The following STAU2 variants were observed in gnomAD, a reference collection of about 807,000 sequenced individuals.
The protein encoded by STAU2 is staufen double-stranded RNA binding protein 2, also known as double-stranded RNA-binding protein Staufen homolog 2.
STAU2 carries 20 observed loss-of-function variants against 65.9 expected under a neutral mutation model. The ratio of observed to expected loss-of-function variants is 0.30; its 90% confidence interval spans 0.21 to 0.44. STAU2 has a LOEUF of 0.44. STAU2 is among the 20% of genes least tolerant of loss of function. STAU2 has a pLI of 1.00. For missense variants in STAU2, 558 were observed against 683.9 expected (o/e 0.82, Z 2.05); for synonymous variants, 232 against 233.9 (o/e 0.99, Z 0.07).
chr8:73,741,132 C>T (rs572798200), intron 1 of STAU2, among the ~76,000 whole-genome samples: 33 of 151,078 alleles, frequency 2.2e-4, no homozygotes, highest in African/African-American at 7.1e-4. Context: ...AGTGAAACCC[C>T]GCCTCTACTA....
intron 13 of STAU2, among the ~76,000 whole-genome samples, chr8:73,463,198 T>C (rs1819466300): frequency 6.6e-6 from 1 of 152,250 alleles, no homozygotes; most frequent in African/African-American, 2.4e-5. Context: ...GTACCTTCAA[T>C]GCAGTATGCT....
At chr8:73,489,872 GT>G (rs1157251933) in intron 13 of STAU2, among the ~76,000 whole-genome samples, 1 of 151,990 alleles carries the variant, frequency 6.6e-6, no homozygotes, top group African/African-American at 2.4e-5. Flanking sequence ...AAAGACTCCA[GT>G]TGTTAACAGC....
At chr8:73,649,308 C>T (rs1815640006) in intron 6 of STAU2, among the ~76,000 whole-genome samples, 1 of 152,122 alleles carries the variant, frequency 6.6e-6, no homozygotes, top group Admixed American at 6.5e-5. Context: ...TCACTTCATA[C>T]AGATCATTAT....
intron 6 of STAU2, among the ~76,000 whole-genome samples, chr8:73,671,247 A>G (rs943119206): frequency 2.6e-5 from 4 of 152,118 alleles, no homozygotes; most frequent in Non-Finnish European, 5.9e-5. Flanking sequence ...CCTTGCTAAC[A>G]TGGTAAAACC....
intron 13 of STAU2, among the ~76,000 whole-genome samples, chr8:73,496,809 T>C (rs1821446157): frequency 6.6e-6 from 1 of 151,752 alleles, no homozygotes; most frequent in Admixed American, 6.6e-5. Flanking sequence ...CATTTTATGC[T>C]TGGAGCACAC....
At position 73,467,793 on chromosome 8, in the gene STAU2, T is replaced by C. The variant is rs141582517; in HGVS notation, c.1531-45091A>G. ...TGTCCTTTTACAAACCACTGCTCAA[T>C]GAAATAAAAGAGGATACAAACAAAT... On this transcript the variant is annotated intron_variant, in intron 13 of 14. Transcript: ENST00000524300. 4.4e-3 allele frequency among the ~76,000 whole-genome samples: 677 copies of C among 152,148 alleles called. 7 individuals carry two copies. Among genetic ancestry groups the C allele is most frequent in the African/African-American group, 0.015 (631 of 41,506 alleles).
At chr8:73,617,872 T>TAGCAG (rs1181121073) in intron 6 of STAU2, among the ~76,000 whole-genome samples, 2,771 of 152,238 alleles carry the variant, frequency 0.018, 74 homozygotes, top group African/African-American at 0.06. Context: ...AAATATAGAT[T>TAGCAG]AGAAATGGAC....
intron 13 of STAU2, chr8:73,551,289 C>T: frequency 1.0e-6 from 1 of 987,452 alleles, no homozygotes. Flanking sequence ...AAAAAAGTTT[C>T]CATCCCTAAA....
intron 13 of STAU2, among the ~76,000 whole-genome samples, chr8:73,539,904 G>A (rs371122520): frequency 4.0e-4 from 59 of 148,562 alleles, no homozygotes; most frequent in African/African-American, 1.4e-3. Flanking sequence ...AATGAATAAC[G>A]CCTCAAGGAA....
intron 13 of STAU2, among the ~76,000 whole-genome samples, chr8:73,438,039 C>G (rs1450267440): frequency 6.6e-6 from 1 of 152,220 alleles, no homozygotes; most frequent in Non-Finnish European, 1.5e-5. Context: ...CTGGCCATCC[C>G]TTCTCCACTG....
At chr8:73,635,555 G>A (rs111450580) in intron 6 of STAU2, among the ~76,000 whole-genome samples, 369 of 152,214 alleles carry the variant, frequency 2.4e-3, no homozygotes, top group Non-Finnish European at 4.1e-3. Context: ...GGCCGAGGGC[G>A]GTGGCTCATG....
chr8:73,573,456 G>C (rs1315187531), intron 12 of STAU2, among the ~76,000 whole-genome samples: 1 of 152,152 alleles, frequency 6.6e-6, no homozygotes, highest in Non-Finnish European at 1.5e-5. Context: ...TCAATCCTAA[G>C]CCAAAAGAAC....
intron 13 of STAU2, among the ~76,000 whole-genome samples, chr8:73,545,585 T>A (rs1010029361): frequency 2.0e-5 from 3 of 151,896 alleles, no homozygotes; most frequent in Non-Finnish European, 4.4e-5. Context: ...TATAAAATTT[T>A]ACATTAGAAT....
At chr8:73,713,906 T>C (rs1383146870) in intron 3 of STAU2, among the ~76,000 whole-genome samples, 3 of 152,072 alleles carry the variant, frequency 2.0e-5, no homozygotes, top group African/African-American at 7.2e-5. Context: ...ACACGGTTTC[T>C]TTCCTTTTTT....
intron 6 of STAU2, chr8:73,672,273 G>A (rs920858954): frequency 1.3e-5 from 2 of 152,148 alleles, no homozygotes. Context: ...TATGAGTCTA[G>A]ATATAAAAAG....
chr8:73,564,212 A>C (rs1313005523), intron 12 of STAU2, among the ~76,000 whole-genome samples: 1 of 152,212 alleles, frequency 6.6e-6, no homozygotes, highest in Non-Finnish European at 1.5e-5. Flanking sequence ...GAGTGCCGAC[A>C]GAGCCAGCAT....
At chr8:73,428,984 C>G (rs1817049422) in intron 13 of STAU2, among the ~76,000 whole-genome samples, 1 of 152,220 alleles carries the variant, frequency 6.6e-6, no homozygotes, top group African/African-American at 2.4e-5. Context: ...TGCTCTCTCA[C>G]TTGATGCCAC....
At chr8:73,595,321 T>A (rs1811104840) in intron 10 of STAU2, 24 bp from the exon 11 acceptor site, 2 of 1,562,164 alleles carry the variant, frequency 1.3e-6, no homozygotes, top group Non-Finnish European at 1.7e-6. Context: ...AGAAATAAAT[T>A]AAAGAAATAC....
intron 13 of STAU2, among the ~76,000 whole-genome samples, chr8:73,514,353 A>C (rs11997691): frequency 0.53 from 79,941 of 151,990 alleles, 21,130 homozygotes; most frequent in Non-Finnish European, 0.55. Flanking sequence ...AGACACCAGC[A>C]TAATCACATC....
Sources: allele counts gnomAD v4.1 joint callset (sites outside exome capture counted in the v4.1 genomes callset), GRCh38; gene constraint gnomAD v4.1.1; transcripts MANE v1.5; gene names NCBI Gene and HGNC (gene_info 2026-07-23, HGNC 2026-07-21).